The following DLG2 variants were observed in gnomAD, a reference collection of about 807,000 sequenced individuals.
DLG2 encodes discs large MAGUK scaffold protein 2.
Under a neutral mutation model 132.5 loss-of-function variants are expected in DLG2, and 45 were observed. That is an observed-to-expected ratio of 0.34 (90% CI 0.27 to 0.44). The LOEUF is 0.44. Among genes scored for constraint, DLG2 ranks in the 20% least tolerant of loss-of-function variants. DLG2 has a pLI of 1.00. For synonymous variants in DLG2, 424 were observed against 419.6 expected, an observed-to-expected ratio of 1.01 and a Z score of -0.13; for missense variants, 1,045 against 1,196.9, an observed-to-expected ratio of 0.87 and a Z score of 1.87.
rs559707920 is a variant in DLG2 at position 84,751,821 on chromosome 11, G to A, written c.358-217090C>T. Reference sequence around the variant, plus strand: ...TTGCCTAGAAGAGGTTAGGATGCCAGGTACAAAATTAAAAACCATGGATTG... The same window carrying A: ...TTGCCTAGAAGAGGTTAGGATGCCAAGTACAAAATTAAAAACCATGGATTG... On this transcript the variant is annotated intron_variant, in intron 6 of 27. Transcript: ENST00000376104. Among the ~76,000 whole-genome samples the A allele has an allele frequency of 1.2e-3, 188 of 152,236 alleles. 1 individual carries two copies. Among genetic ancestry groups the A allele is most frequent in the African/African-American group, 4.3e-3 (178 of 41,554 alleles).
intron 6 of DLG2, chr11:84,546,611 C>T (rs1345562045): frequency 2.0e-6 from 1 of 508,558 alleles, no homozygotes; most frequent in Non-Finnish European, 3.8e-6. Flanking sequence ...TCTCTCATAC[C>T]TCATGTAGCA....
intron 6 of DLG2, among the ~76,000 whole-genome samples, chr11:84,738,816 C>A (rs1339732523): frequency 6.6e-6 from 1 of 152,170 alleles, no homozygotes; most frequent in Non-Finnish European, 1.5e-5. Flanking sequence ...ACACAGTCTG[C>A]AGCTTTTTTC....
chr11:85,500,294 A>T (rs915004385), intron 3 of DLG2, among the ~76,000 whole-genome samples: 4 of 149,390 alleles, frequency 2.7e-5, no homozygotes, highest in Admixed American at 2.7e-4. Context: ...CGCAAGAACA[A>T]AAAACCAAAC....
At chr11:84,497,381 A>G (rs1386102763) in intron 7 of DLG2, among the ~76,000 whole-genome samples, 1 of 152,166 alleles carries the variant, frequency 6.6e-6, no homozygotes, top group East Asian at 1.9e-4. Flanking sequence ...TGCTACTACA[A>G]CTGTACCCTA....
At chr11:84,699,744 AACTCTAAAGG>A (rs2059013929) in intron 6 of DLG2, among the ~76,000 whole-genome samples, 2 of 151,544 alleles carry the variant, frequency 1.3e-5, no homozygotes. Flanking sequence ...TGGTATATGC[AACTCTAAAGG>A]ACTCTTTTCT....
chr11:85,070,194 C>T (rs1151247), intron 6 of DLG2, among the ~76,000 whole-genome samples: 100,885 of 151,176 alleles, frequency 0.67, 34,582 homozygotes, highest in East Asian at 0.93. Flanking sequence ...AGGAGATATA[C>T]CTAATGTAAA....
chr11:84,180,941 A>G (rs564745530), intron 8 of DLG2, among the ~76,000 whole-genome samples: 3 of 152,142 alleles, frequency 2.0e-5, no homozygotes, highest in Admixed American at 2.0e-4. Flanking sequence ...GAGAAGAAAA[A>G]TCATAAAGGT....
At chr11:84,699,341 T>G (rs530585622) in intron 6 of DLG2, among the ~76,000 whole-genome samples, 3 of 151,718 alleles carry the variant, frequency 2.0e-5, no homozygotes, top group East Asian at 3.9e-4. Flanking sequence ...GTCGTTAAAG[T>G]GTCTGATGCA....
chr11:85,387,507 A>C (rs1480113999), intron 3 of DLG2, among the ~76,000 whole-genome samples: 1 of 152,224 alleles, frequency 6.6e-6, no homozygotes, highest in African/African-American at 2.4e-5. Flanking sequence ...AGTAAGTTTG[A>C]GGAAGGGCCA....
intron 16 of DLG2, among the ~76,000 whole-genome samples, chr11:83,854,781 T>C (rs1338962245): frequency 6.6e-6 from 1 of 152,038 alleles, no homozygotes; most frequent in Non-Finnish European, 1.5e-5. Context: ...AGAACATATG[T>C]TTTTAACATA....
intron 19 of DLG2, among the ~76,000 whole-genome samples, chr11:83,630,169 A>G (rs2063320787): frequency 6.6e-6 from 1 of 152,202 alleles, no homozygotes; most frequent in African/African-American, 2.4e-5. Flanking sequence ...CCTGGCTCAG[A>G]GAGTGCTGGT....
chr11:84,549,905 C>T (rs910122528), intron 6 of DLG2, among the ~76,000 whole-genome samples: 5 of 152,132 alleles, frequency 3.3e-5, no homozygotes, highest in South Asian at 4.2e-4. Context: ...AGGCTTGCAC[C>T]ACCACGCCTG....
chr11:85,047,512 G>A (rs188369191), intron 6 of DLG2, among the ~76,000 whole-genome samples: 1 of 151,738 alleles, frequency 6.6e-6, no homozygotes, highest in Non-Finnish European at 1.5e-5. Flanking sequence ...GAGTGAGAAG[G>A]TTTAGCCTCA....
At chr11:83,556,434 G>A (rs959332397) in intron 19 of DLG2, among the ~76,000 whole-genome samples, 3 of 150,960 alleles carry the variant, frequency 2.0e-5, no homozygotes, top group African/African-American at 7.3e-5. Context: ...GTGCAGTGGC[G>A]CGATCGTGAC....
At chr11:84,016,825 A>G (rs1010774382) in intron 11 of DLG2, among the ~76,000 whole-genome samples, 4 of 152,128 alleles carry the variant, frequency 2.6e-5, no homozygotes, top group African/African-American at 9.6e-5. Context: ...TACAGCAAGA[A>G]TCTAGTACAA....
chr11:84,417,925 G>A (rs1369111503), intron 7 of DLG2, among the ~76,000 whole-genome samples: 3 of 152,138 alleles, frequency 2.0e-5, no homozygotes, highest in East Asian at 3.9e-4. Flanking sequence ...CCCTTAACCC[G>A]ATTATACTCT....
chr11:84,708,051 G>C (rs1596191370), intron 6 of DLG2, among the ~76,000 whole-genome samples: 1 of 151,760 alleles, frequency 6.6e-6, no homozygotes, highest in Admixed American at 6.6e-5. Flanking sequence ...CCAAATTTAT[G>C]TATAAACATG....
chr11:83,646,989 C>G (rs1255716916), intron 18 of DLG2: 1 of 152,040 alleles, frequency 6.6e-6, no homozygotes, highest in Admixed American at 6.6e-5. Flanking sequence ...CTTTGTGATT[C>G]CGTTTTGTTT....
intron 3 of DLG2, among the ~76,000 whole-genome samples, chr11:85,586,592 TC>T (rs1565722909): frequency 6.6e-6 from 1 of 152,226 alleles, no homozygotes; most frequent in African/African-American, 2.4e-5. Flanking sequence ...TTGGATCTTC[TC>T]TCTTCCTTTC....
Sources: allele counts gnomAD v4.1 joint callset (sites outside exome capture counted in the v4.1 genomes callset), GRCh38; gene constraint gnomAD v4.1.1; transcripts MANE v1.5; gene names NCBI Gene and HGNC (gene_info 2026-07-23, HGNC 2026-07-21).